Variants in SMARCA2 observed in about 807,000 individuals in gnomAD.
The protein encoded by SMARCA2 is SWI/SNF-related matrix-associated actin-dependent regulator of chromatin subfamily A member 2.
SMARCA2 carries 61 observed loss-of-function variants against 199.8 expected under a neutral mutation model. The observed-to-expected ratio is 0.31, with a 90% CI of 0.25 to 0.38. The LOEUF (loss-of-function observed/expected upper bound fraction) is 0.38. Among genes scored for constraint, SMARCA2 ranks in the 10% least tolerant of loss-of-function variants. The pLI is 1.00. For synonymous variants in SMARCA2, 935 were observed against 732.0 expected (o/e 1.28, Z -4.48); for missense variants, 1,344 against 2,012.2 (o/e 0.67, Z 6.35).
chr9:2,155,528 G>A (rs753094435), intron 27 of SMARCA2, among the ~76,000 whole-genome samples: 1 of 151,960 alleles, frequency 6.6e-6, no homozygotes, highest in Non-Finnish European at 1.5e-5. Context: ...TGATCCACCC[G>A]CCTTGGCCTC....
intron 14 of SMARCA2, 115 bp downstream of exon 14, chr9:2,077,891 A>G (rs1586680468): frequency 1.2e-6 from 1 of 845,568 alleles, no homozygotes; most frequent in Non-Finnish European, 1.9e-6. Context: ...AGGCCACATC[A>G]CTTATAATAC....
At chr9:2,075,910 T>C (rs1434017199) in intron 12 of SMARCA2, among the ~76,000 whole-genome samples, 1 of 152,316 alleles carries the variant, frequency 6.6e-6, no homozygotes, top group African/African-American at 2.4e-5. Flanking sequence ...AGAGCAGATA[T>C]GCTCTACAGG....
Position 2,170,333 on chromosome 9 carries a change from C to T in SMARCA2, c.4200-86C>T, listed in dbSNP as rs942253041. 1.9e-6 allele frequency: 3 copies of T among 1,572,376 alleles called. No homozygotes were observed. The African/African-American group carries it at 4.1e-5, about 21-fold the overall frequency. On this transcript the variant is annotated intron_variant, in intron 28 of 33. Transcript: ENST00000349721. This position sits in a 1 kb window ranked among gnomAD's most constrained non-coding sequence, Gnocchi z 4.7. ...GTTGGTGAGGAGACTGAGGCTTGGC[C>T]AGGTCACCCAGCCTAGGAAGAAGGA...
In SMARCA2 at chr9:2,158,668, G is replaced by GC. The variant is rs1825503336; in HGVS notation, c.3982-3018_3982-3017insC. ...AAGTTTTGGGGTTTTTTTTGTGTGT[G>GC]ACCCCCCAGCCCCCAGCGCTGAGTT... On this transcript the variant is annotated intron_variant, in intron 27 of 33. Coordinates refer to ENST00000349721, the MANE Select transcript of SMARCA2 (RefSeq NM_003070.5). The GC allele has an allele frequency of 2.5e-5, 8 of 325,598 alleles. No homozygotes were observed. In the South Asian group the frequency reaches 8.9e-4, roughly 36 times the overall value. 20.2% of individuals were successfully genotyped at this position (325,598 alleles called of 1,614,324 possible). A position where few individuals can be genotyped will look rare whatever the true frequency, so the allele number is the denominator to read the frequency against.
At chr9:2,129,050 A>G (rs1285021377) in intron 27 of SMARCA2, among the ~76,000 whole-genome samples, 1 of 152,202 alleles carries the variant, frequency 6.6e-6, no homozygotes, top group Non-Finnish European at 1.5e-5. Flanking sequence ...AGGCTTGATA[A>G]TTTGCTAGAA....
intron 31 of SMARCA2, among the ~76,000 whole-genome samples, chr9:2,183,785 C>A (rs1827227301): frequency 1.3e-5 from 2 of 152,146 alleles, no homozygotes; most frequent in Non-Finnish European, 2.9e-5. Flanking sequence ...AGCTTGAAGC[C>A]AGGACATAGA....
intron 27 of SMARCA2, among the ~76,000 whole-genome samples, chr9:2,149,692 G>A (rs1824957830): frequency 6.6e-6 from 1 of 151,502 alleles, no homozygotes; most frequent in Admixed American, 6.6e-5. Flanking sequence ...TGAGATTTGG[G>A]TGGGGACACA....
At chr9:2,136,066 T>C (rs1303449868) in intron 27 of SMARCA2, among the ~76,000 whole-genome samples, 1 of 150,366 alleles carries the variant, frequency 6.7e-6, no homozygotes, top group Non-Finnish European at 1.5e-5. Context: ...GGTCTCGAAC[T>C]CCTGATCTCG....
At chr9:2,053,080 T>C (rs1333391437) in intron 5 of SMARCA2, among the ~76,000 whole-genome samples, 1 of 152,200 alleles carries the variant, frequency 6.6e-6, no homozygotes, top group Non-Finnish European at 1.5e-5. Flanking sequence ...ATCATTCAGC[T>C]AATGAGCATA....
intron 27 of SMARCA2, among the ~76,000 whole-genome samples, chr9:2,153,798 G>C (rs563669520): frequency 6.6e-6 from 1 of 151,546 alleles, no homozygotes; most frequent in African/African-American, 2.4e-5. Flanking sequence ...GGTTCCACAC[G>C]TCTATGCAAA....
intron 13 of SMARCA2, among the ~76,000 whole-genome samples, 189 bp downstream of exon 13, chr9:2,076,518 C>T (rs1414386899): frequency 1.3e-5 from 2 of 150,368 alleles, no homozygotes; most frequent in African/African-American, 2.4e-5. Flanking sequence ...ATTCTCCATC[C>T]CTCCCTCCCT....
At chr9:2,033,115 C>G (rs1391839544) in intron 3 of SMARCA2, 34 bp downstream of exon 3, 1 of 1,605,354 alleles carries the variant, frequency 6.2e-7, no homozygotes, top group Non-Finnish European at 8.5e-7. Context: ...TACTGGTTCC[C>G]CAGCATAGTC....
In SMARCA2 at chr9:2,160,490, C is replaced by G. The variant is rs1023710243; in HGVS notation, c.3982-1196C>G. 138 of 583,882 alleles carry G rather than the reference C, an allele frequency of 2.4e-4. 1 individual carries two copies. Among genetic ancestry groups the G allele is most frequent in the Middle Eastern group, 1.5e-3 (5 of 3,436 alleles). 36.2% of individuals were successfully genotyped at this position (583,882 alleles called of 1,614,324 possible). A position where few individuals can be genotyped will look rare whatever the true frequency, so the allele number is the denominator to read the frequency against. On this transcript the variant is annotated intron_variant, in intron 27 of 33. Transcript: ENST00000349721. ...CTGCACCAGGTTTTCTTCACAAAACCTTTCTTTTTCAGGAAGCGTTGTACA... is the reference window on the plus strand; with the variant it reads ...CTGCACCAGGTTTTCTTCACAAAACGTTTCTTTTTCAGGAAGCGTTGTACA...
Position 2,039,793 on chromosome 9 carries a change from A to AGCAGCAGCAGCC in SMARCA2, c.694_695insCGCAGCAGCAGC (p.Gln231_Gln232insProGlnGlnGln), listed in dbSNP as rs1554615521. On this transcript the variant is annotated inframe_insertion, in exon 4 of 34. Transcript: ENST00000349721. The surrounding 1 kb of genome is among the most constrained non-coding windows in gnomAD (Gnocchi z 4.8). ...CAGCAGCAACAGCAGCAGCAGCAGC[A>AGCAGCAGCAGCC]GCAGCAGCAGCAGCAGCAGCAGCAA... 6.3e-7 allele frequency: 1 copy of AGCAGCAGCAGCC among 1,595,840 alleles called. No homozygotes were observed. Among genetic ancestry groups the AGCAGCAGCAGCC allele is most frequent in the Non-Finnish European group, 8.6e-7 (1 of 1,167,922 alleles).
intron 29 of SMARCA2, among the ~76,000 whole-genome samples, chr9:2,179,530 G>GACTT (rs1252174713): frequency 6.6e-6 from 1 of 152,178 alleles, no homozygotes; most frequent in Non-Finnish European, 1.5e-5. Flanking sequence ...GAGAACTCTG[G>GACTT]ACTTGTCTCC....
intron 4 of SMARCA2, chr9:2,045,836 C>CACACACACAT (rs1395248257): frequency 7.0e-6 from 1 of 142,926 alleles, no homozygotes; most frequent in Non-Finnish European, 1.6e-5. Flanking sequence ...GACACACACA[C>CACACACACAT]ACACACACAC....
Position 2,176,171 on chromosome 9 carries a change from G to A in SMARCA2, c.4254-5400G>A, listed in dbSNP as rs540369302. On this transcript the variant is annotated intron_variant, in intron 29 of 33. Transcript: ENST00000349721. ...GCTGGGATTACAGGCATGAGCCACC[G>A]CGCCCGGCCTGTTTTTTTTTTTTTT... Among the ~76,000 whole-genome samples, 633 of 131,208 alleles carry A rather than the reference G, an allele frequency of 4.8e-3. 2 individuals are homozygous for A. Among genetic ancestry groups the A allele is most frequent in the Non-Finnish European group, 7.6e-3 (496 of 65,086 alleles). 86.1% of individuals were successfully genotyped at this position (131,208 alleles called of 152,430 possible). A position where few individuals can be genotyped will look rare whatever the true frequency, so the allele number is the denominator to read the frequency against.
intron 23 of SMARCA2, among the ~76,000 whole-genome samples, chr9:2,109,452 C>G (rs1822895792): frequency 6.6e-6 from 1 of 152,010 alleles, no homozygotes; most frequent in African/African-American, 2.4e-5. Context: ...AAAGTGAGCA[C>G]CAGACTCTGA....
chr9:2,176,419 AC>A (rs1249634381), intron 29 of SMARCA2, among the ~76,000 whole-genome samples: 4 of 151,664 alleles, frequency 2.6e-5, no homozygotes, highest in Admixed American at 6.6e-5. Flanking sequence ...TGTTTTTAAG[AC>A]TCTAGACAAA....
Sources: gnomAD v4.1 joint callset for allele counts (sites outside exome capture counted in the v4.1 genomes callset) on GRCh38, gnomAD v4.1.1 for gene constraint, Gnocchi (gnomAD v3.1) non-coding constraint, MANE v1.5 for transcripts, NCBI Gene and HGNC (gene_info 2026-07-23, HGNC 2026-07-21) for gene names.